PCLO: variants seen among roughly 807,000 people sequenced by gnomAD.
PCLO encodes piccolo presynaptic cytomatrix protein.
In PCLO, 82 loss-of-function variants were observed where a neutral mutation model predicts 427.5. That is an observed-to-expected ratio of 0.19 (90% CI 0.16 to 0.23). The LOEUF (loss-of-function observed/expected upper bound fraction) is 0.23, where lower values mean the gene tolerates loss of function less well. Ranked by LOEUF, PCLO falls within the 10% of genes least tolerant of loss-of-function variation. The pLI is 1.00. For missense variants in PCLO, 6,239 were observed against 6,115.9 expected (o/e 1.02, Z -0.67); for synonymous variants, 2,357 against 2,155.4 (o/e 1.09, Z -2.59).
chr7:82,952,201 T>C lies in PCLO; in HGVS notation c.8752A>G (p.Ser2918Gly), dbSNP rs764775939. 1.9e-6 allele frequency: 3 copies of C among 1,613,578 alleles called. No individual in the cohort carries two copies. The highest frequency in any genetic ancestry group is 1.7e-5 in the Admixed American group (1 of 59,988). Residue 2918 changes from serine (S) to glycine (G), a missense_variant, in exon 5 of 25, where the codon AGT becomes GGT. By Grantham distance (56) the Ser-to-Gly change is moderately conservative. This residue lies in a region of PCLO where 4,677 missense variants were observed against 4,468.4 expected (regional missense o/e 1.05). Transcript: ENST00000333891. Reference protein sequence around the residue: ...TVVTMDESTSSVMTKIIEDEK... With the variant: ...TVVTMDESTSGVMTKIIEDEK... ...TCTTCTATTATTTTGGTCATCACAC[T>C]TGAAGTAGACTCATCCATTGTTACG...
At chr7:83,055,554 TC>T (rs1789359016) in intron 3 of PCLO, among the ~76,000 whole-genome samples, 1 of 152,102 alleles carries the variant, frequency 6.6e-6, no homozygotes, top group Non-Finnish European at 1.5e-5. Context: ...ACTGTTTGGA[TC>T]CATTTTTGAA....
chr7:82,884,489 AC>A (rs1343204599), intron 9 of PCLO, among the ~76,000 whole-genome samples: 1 of 152,190 alleles, frequency 6.6e-6, no homozygotes. Flanking sequence ...CAGGACTGCC[AC>A]ATTCACAAAT....
chr7:82,839,183 G>C (rs944601478), intron 14 of PCLO, among the ~76,000 whole-genome samples: 3 of 151,760 alleles, frequency 2.0e-5, no homozygotes, highest in African/African-American at 7.3e-5. Context: ...AGAGTGGAAG[G>C]GATCCATATT....
At chr7:83,147,252 TAATTA>T (rs1394162017) in intron 2 of PCLO, among the ~76,000 whole-genome samples, 2 of 152,122 alleles carry the variant, frequency 1.3e-5, no homozygotes, top group Non-Finnish European at 1.5e-5. Context: ...TTTGTAAACG[TAATTA>T]AATAATACAT....
chr7:83,001,298 T>C (rs1330337980), intron 3 of PCLO, among the ~76,000 whole-genome samples: 1 of 151,976 alleles, frequency 6.6e-6, no homozygotes, highest in African/African-American at 2.4e-5. Flanking sequence ...ACCCTACATA[T>C]TCCTGCGATG....
intron 3 of PCLO, among the ~76,000 whole-genome samples, chr7:83,024,765 G>A (rs1269986097): frequency 6.6e-6 from 1 of 152,152 alleles, no homozygotes; most frequent in Admixed American, 6.5e-5. Context: ...ATCTGAGAAC[G>A]GGCAGACTGC....
intron 20 of PCLO, chr7:82,820,921 T>G: frequency 8.1e-7 from 1 of 1,229,818 alleles, no homozygotes; most frequent in South Asian, 4.2e-5. Context: ...CAAATCACTG[T>G]AGTCAATATA....
In PCLO at chr7:82,821,932, G is replaced by A. The variant is rs1791801961; in HGVS notation, c.14791+563C>T. 10 of 985,400 alleles carry A rather than the reference G, an allele frequency of 1.0e-5. No individual in the cohort carries two copies. In the South Asian group the frequency reaches 4.2e-4, roughly 42 times the overall value. The allele number at this position is 985,400 out of a possible 1,614,324, so 61.0% of individuals were successfully genotyped here. A position where few individuals can be genotyped will look rare whatever the true frequency, so the allele number is the denominator to read the frequency against. ...GCACATGGAAAGCTACCATATTTCA[G>A]AAGCAAAATTTGTTAGTGTTTTAAA... On this transcript the variant is annotated intron_variant, in intron 20 of 24. Coordinates refer to ENST00000333891, the MANE Select transcript of PCLO (RefSeq NM_033026.6).
At chr7:82,769,422 A>G (rs17282987) in intron 22 of PCLO, among the ~76,000 whole-genome samples, 2,587 of 152,256 alleles carry the variant, frequency 0.017, 34 homozygotes, top group Middle Eastern at 0.034. Context: ...AAAAGTGACT[A>G]TTAATTGAGA....
intron 6 of PCLO, among the ~76,000 whole-genome samples, chr7:82,929,728 A>T (rs1235591457): frequency 6.6e-6 from 1 of 152,138 alleles, no homozygotes; most frequent in African/African-American, 2.4e-5. Flanking sequence ...CTAAATTTCT[A>T]GGAAGTATGT....
chr7:82,964,773 ACT>A (rs915982657), intron 4 of PCLO, among the ~76,000 whole-genome samples: 1 of 152,040 alleles, frequency 6.6e-6, no homozygotes, highest in African/African-American at 2.4e-5. Flanking sequence ...CATCTTTTTG[ACT>A]CTGATCAAAC....
intron 10 of PCLO, among the ~76,000 whole-genome samples, chr7:82,868,461 C>G (rs1793151090): frequency 6.6e-6 from 1 of 152,178 alleles, no homozygotes; most frequent in African/African-American, 2.4e-5. Flanking sequence ...GCCAGAAACC[C>G]TGTCAGTTCA....
chr7:83,000,218 C>T, intron 3 of PCLO, among the ~76,000 whole-genome samples: 1 of 150,532 alleles, frequency 6.6e-6, no homozygotes, highest in East Asian at 2.0e-4. Flanking sequence ...CTCACATTTC[C>T]TCAGAAACCA....
chr7:82,762,133 A>G (rs1283995935), intron 22 of PCLO, among the ~76,000 whole-genome samples: 1 of 152,130 alleles, frequency 6.6e-6, no homozygotes, highest in Non-Finnish European at 1.5e-5. Context: ...TATTGGGAAG[A>G]AAACCATTCA....
chr7:83,022,088 G>A (rs1788357870), intron 3 of PCLO, among the ~76,000 whole-genome samples: 1 of 152,158 alleles, frequency 6.6e-6, no homozygotes, highest in African/African-American at 2.4e-5. Flanking sequence ...CTTTTGTGTA[G>A]TACTGAAGTG....
At position 82,902,645 on chromosome 7, in the gene PCLO, C is replaced by G. The variant is rs1794074690; in HGVS notation, c.13528+6G>C. ...AAAAAATATTAGATTATATGATTTG[C>G]TTTACCTGAAACTGTGTGATCCTTT... On this transcript the variant is annotated splice_donor_region_variant and intron_variant, in intron 9 of 24. Coordinates refer to ENST00000333891, the MANE Select transcript of PCLO (RefSeq NM_033026.6). 1 of 1,516,936 alleles carries G rather than the reference C, an allele frequency of 6.6e-7. No individual in the cohort carries two copies. Among genetic ancestry groups the G allele is most frequent in the Non-Finnish European group, 9.1e-7 (1 of 1,095,478 alleles). The allele number at this position is 1,516,936 out of a possible 1,614,324, so 94.0% of individuals were successfully genotyped here. A position where few individuals can be genotyped will look rare whatever the true frequency, so the allele number is the denominator to read the frequency against.
intron 20 of PCLO, among the ~76,000 whole-genome samples, chr7:82,817,630 CTTT>C (rs1158214076): frequency 6.6e-6 from 1 of 152,148 alleles, no homozygotes; most frequent in Non-Finnish European, 1.5e-5. Context: ...TGAAACTCTT[CTTT>C]GACAGGTGCC....
Position 83,038,073 on chromosome 7 carries a change from T to TTA in PCLO, c.3301-71588_3301-71587dup, listed in dbSNP as rs768540680. 3.6e-3 allele frequency among the ~76,000 whole-genome samples: 165 copies of TTA among 46,172 alleles called. 12 individuals carry two copies. Among genetic ancestry groups the TTA allele is most frequent in the African/African-American group, 0.013 (154 of 12,108 alleles). The allele number at this position is 46,172 out of a possible 152,430, so 30.3% of individuals were successfully genotyped here. A position where few individuals can be genotyped will look rare whatever the true frequency, so the allele number is the denominator to read the frequency against. ...TATCTTTATATATATATTTATATAT[T>TTA]TATATATATATCTTTATATATATAT... On this transcript the variant is annotated intron_variant, in intron 3 of 24. Transcript: ENST00000333891.
Position 82,824,432 on chromosome 7 carries a change from A to G in PCLO, c.14416-16T>C, listed in dbSNP as rs1554336704. The G allele has an allele frequency of 6.5e-7, 1 of 1,527,656 alleles. No homozygotes were observed. The highest frequency in any genetic ancestry group is 8.9e-7 in the Non-Finnish European group (1 of 1,121,200). The allele number at this position is 1,527,656 out of a possible 1,614,324, so 94.6% of individuals were successfully genotyped here. ...CAATCAATACCTGAAAAAAAGTGTA[A>G]CAAATAAATGAAATTTAGGGACTAA... On this transcript the variant is annotated splice_polypyrimidine_tract_variant and intron_variant, in intron 18 of 24. Coordinates refer to ENST00000333891, the MANE Select transcript of PCLO (RefSeq NM_033026.6).
Sources: allele counts gnomAD v4.1 joint callset (sites outside exome capture counted in the v4.1 genomes callset), GRCh38; gene constraint gnomAD v4.1.1; regional missense constraint gnomAD v4.1.1; transcripts MANE v1.5; gene names NCBI Gene and HGNC (gene_info 2026-07-23, HGNC 2026-07-21).